The following JAK1 variants were observed in gnomAD, a reference collection of about 807,000 sequenced individuals.
JAK1 encodes tyrosine-protein kinase JAK1.
Under a neutral mutation model 136.6 loss-of-function variants are expected in JAK1, and 16 were observed. The ratio of observed to expected loss-of-function variants is 0.12; its 90% CI spans 0.08 to 0.18. The LOEUF (loss-of-function observed/expected upper bound fraction) is 0.18. Among genes scored for constraint, JAK1 ranks in the 10% least tolerant of loss-of-function variants. The probability of loss-of-function intolerance (pLI) is 1.00; values close to 1 mark genes in which losing one functional copy is unlikely to be tolerated. For synonymous variants in JAK1, 492 were observed against 519.5 expected, an observed-to-expected ratio of 0.95 and a Z score of 0.72; for missense variants, 859 against 1,450.1, an observed-to-expected ratio of 0.59 and a Z score of 6.62.
At chr1:65,013,914 G>T (rs1405641168) in intron 2 of JAK1, among the ~76,000 whole-genome samples, 2 of 152,076 alleles carry the variant, frequency 1.3e-5, no homozygotes. Flanking sequence ...AGATGAGCTT[G>T]AAAATATCTT....
chr1:64,866,803 T>G, intron 7 of JAK1, 63 bp downstream of exon 7: 1 of 1,243,216 alleles, frequency 8.0e-7, no homozygotes. Flanking sequence ...TCCAGAAGGA[T>G]AAACAGCATA....
intron 2 of JAK1, among the ~76,000 whole-genome samples, chr1:64,981,766 G>T (rs1268623936): frequency 6.6e-6 from 1 of 152,198 alleles, no homozygotes; most frequent in African/African-American, 2.4e-5. Context: ...TGATTTGCCA[G>T]TGTTTACACT....
chr1:64,969,120 A>AG (rs1215756111), upstream of JAK1, among the ~76,000 whole-genome samples: 1 of 151,986 alleles, frequency 6.6e-6, no homozygotes, highest in African/African-American at 2.4e-5. Context: ...TTAAAAAAAA[A>AG]AAATAAGTAT....
intron 1 of JAK1, among the ~76,000 whole-genome samples, chr1:64,947,978 A>C (rs1646018157): frequency 6.6e-6 from 1 of 152,134 alleles, no homozygotes; most frequent in South Asian, 2.1e-4. Context: ...AAATTACCTG[A>C]GGTATAACAT....
intron 1 of JAK1, among the ~76,000 whole-genome samples, chr1:64,924,433 T>A (rs6700798): frequency 6.6e-6 from 1 of 152,166 alleles, no homozygotes; most frequent in Non-Finnish European, 1.5e-5. Flanking sequence ...GTGCACATTA[T>A]AGGATTCCTA....
intron 2 of JAK1, chr1:64,990,439 C>G (rs1646644111): frequency 6.6e-6 from 1 of 151,850 alleles, no homozygotes; most frequent in African/African-American, 2.4e-5. Context: ...TTACAGGTCT[C>G]AACAATGAAA....
At chr1:64,960,375 G>A (rs987148546) in intron 1 of JAK1, among the ~76,000 whole-genome samples, 24 of 152,166 alleles carry the variant, frequency 1.6e-4, no homozygotes, top group Non-Finnish European at 3.4e-4. Flanking sequence ...GGAAACAGGC[G>A]TAACTTGCTT....
chr1:64,837,975 CCTT>C lies in JAK1; in HGVS notation c.3094_3096del (p.Lys1032del). On this transcript the variant is annotated inframe_deletion, in exon 22 of 25. Transcript: ENST00000342505. ...CGGTCATCCTTGACGGTGTAATACTCCTTATCGGTTTCAATTGCTTTGGTTAAA... is the reference window on the plus strand; with the variant it reads ...CGGTCATCCTTGACGGTGTAATACTCATCGGTTTCAATTGCTTTGGTTAAA... 6.2e-7 allele frequency: 1 copy of C among 1,614,180 alleles called. No individual in the cohort carries two copies. Among genetic ancestry groups the C allele is most frequent in the Non-Finnish European group, 8.5e-7 (1 of 1,180,020 alleles).
chr1:64,967,678 G>T (rs1569779614), upstream of JAK1, among the ~76,000 whole-genome samples: 1 of 152,176 alleles, frequency 6.6e-6, no homozygotes. Context: ...TCAAGCATCC[G>T]AATTAGACTA....
chr1:64,912,166 A>C (rs1645295922), intron 1 of JAK1, among the ~76,000 whole-genome samples: 1 of 152,292 alleles, frequency 6.6e-6, no homozygotes, highest in South Asian at 2.1e-4. Context: ...TACATCCATC[A>C]GGGTCTCCGA....
chr1:65,066,422 G>A (rs1442629469), intron 1 of JAK1, among the ~76,000 whole-genome samples: 1 of 152,194 alleles, frequency 6.6e-6, no homozygotes, highest in Non-Finnish European at 1.5e-5. Flanking sequence ...AAATAAACAG[G>A]TGAGCCCGGG....
intron 4 of JAK1, among the ~76,000 whole-genome samples, chr1:64,875,004 A>C (rs541414111): frequency 2.0e-5 from 3 of 152,226 alleles, no homozygotes; most frequent in African/African-American, 4.8e-5. Flanking sequence ...CATAGGCCCT[A>C]AACACTTTTC....
intron 8 of JAK1, among the ~76,000 whole-genome samples, chr1:64,863,497 T>G (rs1352341198): frequency 6.6e-5 from 10 of 151,864 alleles, no homozygotes; most frequent in Non-Finnish European, 1.5e-4. Context: ...TCACTTTGTT[T>G]TTACTATATT....
In JAK1 at chr1:64,843,942, G is replaced by A. The variant is rs4916006; in HGVS notation, c.2403+122C>T. The A allele has an allele frequency of 1.1e-3, 1,161 of 1,105,126 alleles. 17 individuals are homozygous for A. In the Admixed American group the frequency reaches 0.022, roughly 21 times the overall value. The allele number at this position is 1,105,126 out of a possible 1,614,324, so 68.5% of individuals were successfully genotyped here. A position where few individuals can be genotyped will look rare whatever the true frequency, so the allele number is the denominator to read the frequency against. ...GTGAGGTCACACACCCAGTAGGCCC[G>A]TGAAGAGATTCAAACCCATGCCCAT... On this transcript the variant is annotated intron_variant, in intron 17 of 24. Coordinates refer to ENST00000342505, the MANE Select transcript of JAK1 (RefSeq NM_002227.4).
intron 2 of JAK1, among the ~76,000 whole-genome samples, chr1:65,043,431 C>G (rs1647153151): frequency 6.6e-6 from 1 of 151,972 alleles, no homozygotes; most frequent in African/African-American, 2.4e-5. Context: ...AAAACAAAAA[C>G]CTATACCACA....
intron 1 of JAK1, among the ~76,000 whole-genome samples, chr1:65,052,032 T>C (rs1358905733): frequency 6.6e-6 from 1 of 151,790 alleles, no homozygotes; most frequent in African/African-American, 2.4e-5. Context: ...CCTAGCTCAC[T>C]GCAGCATCAA....
At chr1:64,940,213 T>C (rs889672027) in intron 1 of JAK1, among the ~76,000 whole-genome samples, 4 of 152,164 alleles carry the variant, frequency 2.6e-5, no homozygotes, top group African/African-American at 7.2e-5. Flanking sequence ...AAATACACCG[T>C]GTGTGTACAT....
chr1:64,929,417 T>C lies in JAK1; in HGVS notation c.-78+36916A>G, dbSNP rs552474158. ...AAGGTATTAGCAAACTATTCTTATC[T>C]GCAATTACTTATCCATGCAAATCAG... On this transcript the variant is annotated intron_variant, in intron 1 of 24. Coordinates refer to ENST00000342505, the MANE Select transcript of JAK1 (RefSeq NM_002227.4). Among the ~76,000 whole-genome samples, 15 of 152,338 alleles carry C rather than the reference T, an allele frequency of 9.8e-5. No homozygotes were observed. The South Asian group carries it at 3.1e-3, about 32-fold the overall frequency.
chr1:65,053,263 C>T (rs1647372024), intron 1 of JAK1, among the ~76,000 whole-genome samples: 1 of 151,308 alleles, frequency 6.6e-6, no homozygotes, highest in African/African-American at 2.4e-5. Flanking sequence ...AGGAAAATCG[C>T]TTGACCCGGG....
Sources: allele counts gnomAD v4.1 joint callset (sites outside exome capture counted in the v4.1 genomes callset), GRCh38; gene constraint gnomAD v4.1.1; transcripts MANE v1.5; gene names NCBI Gene and HGNC (gene_info 2026-07-23, HGNC 2026-07-21).